SRPK1: variants seen among roughly 807,000 people sequenced by gnomAD.
SRPK1 encodes the protein SFRS protein kinase 1.
Under a neutral mutation model 89.5 loss-of-function variants are expected in SRPK1, and 52 were observed. The ratio of observed to expected loss-of-function variants is 0.58; its 90% CI spans 0.46 to 0.73. SRPK1 has a LOEUF of 0.73. Among genes scored for constraint, SRPK1 ranks in the 30% least tolerant of loss-of-function variants. The pLI is 0.00. For missense variants in SRPK1, 603 were observed against 780.6 expected (o/e 0.77, Z 2.71); for synonymous variants, 255 against 270.2 (o/e 0.94, Z 0.55).
At position 35,843,797 on chromosome 6, in the gene SRPK1, G is replaced by A. The variant is rs141842941; in HGVS notation, c.1621-1193C>T. 2.0e-3 allele frequency among the ~76,000 whole-genome samples: 305 copies of A among 152,142 alleles called. 2 individuals carry two copies. The highest frequency in any genetic ancestry group is 6.9e-3 in the African/African-American group (288 of 41,496). On this transcript the variant is annotated intron_variant, in intron 13 of 15. Coordinates refer to ENST00000373825, the MANE Select transcript of SRPK1 (RefSeq NM_003137.5). ...AGAAGATTAAGTGTAAAGGGAGTCAGGAGCCTAGCCTATGTGACTGGCAAG... is the reference window on the plus strand; with the variant it reads ...AGAAGATTAAGTGTAAAGGGAGTCAAGAGCCTAGCCTATGTGACTGGCAAG...
In SRPK1 at chr6:35,833,151, TC is replaced by T. The variant is rs1184726600; in HGVS notation, c.*2152del. On this transcript the variant is annotated 3_prime_UTR_variant, in exon 16 of 16. Transcript: ENST00000373825. ...ATTTTTAACTGACAGCAAATAGAAA[TC>T]CTTTAGTGAGATCGTGGCAATTTGA... 6.6e-6 allele frequency: 1 copy of T among 152,594 alleles called. No individual in the cohort carries two copies. The highest frequency in any genetic ancestry group is 6.6e-5 in the Admixed American group (1 of 15,264). The allele number at this position is 152,594 out of a possible 1,614,324, so 9.5% of individuals were successfully genotyped here. A position where few individuals can be genotyped will look rare whatever the true frequency, so the allele number is the denominator to read the frequency against.
intron 2 of SRPK1, among the ~76,000 whole-genome samples, chr6:35,893,997 C>T (rs979066399): frequency 1.3e-5 from 2 of 151,546 alleles, no homozygotes; most frequent in African/African-American, 2.4e-5. Context: ...GGCGACAGAG[C>T]GAGACTCTGT....
intron 6 of SRPK1, among the ~76,000 whole-genome samples, chr6:35,882,678 T>G (rs1770321316): frequency 6.6e-6 from 1 of 152,166 alleles, no homozygotes; most frequent in African/African-American, 2.4e-5. Context: ...GCTACAGAAT[T>G]ATCAGGAGGT....
At chr6:35,844,440 G>A (rs1211482763) in intron 13 of SRPK1, among the ~76,000 whole-genome samples, 3 of 152,150 alleles carry the variant, frequency 2.0e-5, no homozygotes, top group African/African-American at 7.2e-5. Context: ...CCAGGACTTA[G>A]TTGGGGCATA....
intron 6 of SRPK1, among the ~76,000 whole-genome samples, chr6:35,881,005 T>C (rs974950674): frequency 7.9e-5 from 12 of 152,088 alleles, no homozygotes; most frequent in Admixed American, 7.9e-4. Flanking sequence ...AAGTTTCTCA[T>C]CAAAAATTTT....
chr6:35,891,727 CAAAAAAA>C (rs71540131), intron 2 of SRPK1, among the ~76,000 whole-genome samples: 1 of 94,006 alleles, frequency 1.1e-5, no homozygotes, highest in Non-Finnish European at 2.2e-5. Context: ...AACTCTGTCT[CAAAAAAA>C]AAAAAAAAAA....
At chr6:35,874,118 C>T (rs1177887513) in intron 7 of SRPK1, 115 bp downstream of exon 7, 2 of 810,762 alleles carry the variant, frequency 2.5e-6, no homozygotes, top group East Asian at 2.8e-5. Context: ...TGAGCCACCA[C>T]ACCCGGCCTT....
chr6:35,853,531 G>GT (rs146262626), intron 13 of SRPK1, among the ~76,000 whole-genome samples: 1 of 152,030 alleles, frequency 6.6e-6, no homozygotes, highest in Non-Finnish European at 1.5e-5. Context: ...ATATTCTCTA[G>GT]TTTTTTCCCT....
chr6:35,901,022 A>C (rs539874515), intron 2 of SRPK1, among the ~76,000 whole-genome samples: 61 of 152,270 alleles, frequency 4.0e-4, no homozygotes, highest in African/African-American at 1.4e-3. Context: ...TAAAGAGAGA[A>C]AGAAGGAGAG....
intron 14 of SRPK1, among the ~76,000 whole-genome samples, chr6:35,842,332 T>C (rs1029933229): frequency 1.3e-5 from 2 of 152,188 alleles, no homozygotes; most frequent in Non-Finnish European, 2.9e-5. Flanking sequence ...CTGTGGCCTT[T>C]TGACTCTGAC....
chr6:35,883,506 T>C (rs915728750), intron 6 of SRPK1, among the ~76,000 whole-genome samples: 4 of 152,228 alleles, frequency 2.6e-5, no homozygotes, highest in African/African-American at 9.6e-5. Flanking sequence ...GCTATTCTCT[T>C]ATGTTTCTAG....
intron 6 of SRPK1, among the ~76,000 whole-genome samples, chr6:35,882,007 C>T (rs1770301029): frequency 1.4e-5 from 2 of 147,340 alleles, no homozygotes; most frequent in Admixed American, 1.4e-4. Flanking sequence ...TATTTTACCA[C>T]AATAAAGAAA....
At chr6:35,847,176 A>C (rs1769443163) in intron 13 of SRPK1, among the ~76,000 whole-genome samples, 1 of 152,242 alleles carries the variant, frequency 6.6e-6, no homozygotes, top group African/African-American at 2.4e-5. Context: ...CAAACAGAAA[A>C]GAAAGAAGTA....
chr6:35,852,442 A>G (rs1328444183), intron 13 of SRPK1, among the ~76,000 whole-genome samples: 1 of 152,244 alleles, frequency 6.6e-6, no homozygotes, highest in Non-Finnish European at 1.5e-5. Context: ...AAACAAGTAA[A>G]CAAAAGCAAA....
At chr6:35,844,431 C>T (rs1290622875) in intron 13 of SRPK1, among the ~76,000 whole-genome samples, 1 of 152,038 alleles carries the variant, frequency 6.6e-6, no homozygotes, top group African/African-American at 2.4e-5. Context: ...CTGTAGAGTC[C>T]AGGACTTAGT....
At chr6:35,859,928 G>T (rs1769745603) in intron 12 of SRPK1, among the ~76,000 whole-genome samples, 1 of 150,228 alleles carries the variant, frequency 6.7e-6, no homozygotes, top group Non-Finnish European at 1.5e-5. Flanking sequence ...GTGCGATCTT[G>T]GCTCACTGCA....
intron 12 of SRPK1, among the ~76,000 whole-genome samples, chr6:35,868,130 G>A (rs973364392): frequency 9.9e-5 from 15 of 151,906 alleles, no homozygotes; most frequent in Admixed American, 7.9e-4. Flanking sequence ...GCGCCAACAC[G>A]CCTGGCTAAT....
intron 13 of SRPK1, among the ~76,000 whole-genome samples, chr6:35,850,147 AACATCTGACGAGT>A (rs1432425251): frequency 6.6e-6 from 1 of 152,196 alleles, no homozygotes; most frequent in Non-Finnish European, 1.5e-5. Context: ...TGTTTCTAGA[AACATCTGACGAGT>A]ACATTCGTAC....
At chr6:35,900,668 T>C (rs1038419887) in intron 2 of SRPK1, among the ~76,000 whole-genome samples, 24 of 152,134 alleles carry the variant, frequency 1.6e-4, no homozygotes, top group Admixed American at 4.6e-4. Flanking sequence ...AAAAATTAAG[T>C]AGGGCAAGGG....
Sources: allele counts gnomAD v4.1 joint callset (sites outside exome capture counted in the v4.1 genomes callset), GRCh38; gene constraint gnomAD v4.1.1; transcripts MANE v1.5; gene names NCBI Gene and HGNC (gene_info 2026-07-23, HGNC 2026-07-21).